The following DIP2B variants were observed in gnomAD, a reference collection of about 807,000 sequenced individuals.
DIP2B encodes DIP2 acetate--CoA ligase B (putative), also known as disco-interacting protein 2 homolog B.
A neutral mutation model predicts 198.0 loss-of-function variants in DIP2B; 76 were observed. The ratio of observed to expected loss-of-function variants is 0.38; its 90% confidence interval spans 0.32 to 0.46. The LOEUF (loss-of-function observed/expected upper bound fraction) is 0.46. Ranked by LOEUF, DIP2B falls within the 20% of genes least tolerant of loss-of-function variation. The pLI, the probability that DIP2B is intolerant of heterozygous loss-of-function variation, is 0.99. For missense variants in DIP2B, 1,559 were observed against 1,978.4 expected (o/e 0.79, Z 4.02); for synonymous variants, 701 against 739.1 (o/e 0.95, Z 0.84).
chr12:50,738,004 C>T (rs1308801726), intron 35 of DIP2B, among the ~76,000 whole-genome samples: 1 of 152,082 alleles, frequency 6.6e-6, no homozygotes, highest in African/African-American at 2.4e-5. Context: ...CAGTATTGGA[C>T]AGGTTAATTT....
At chr12:50,567,824 G>A (rs563846399) in intron 1 of DIP2B, among the ~76,000 whole-genome samples, 3 of 152,268 alleles carry the variant, frequency 2.0e-5, no homozygotes, top group African/African-American at 4.8e-5. Flanking sequence ...CATCGTGCCC[G>A]GCCTAAAATT....
chr12:50,572,090 C>T (rs1317344500), intron 1 of DIP2B, among the ~76,000 whole-genome samples: 4 of 152,078 alleles, frequency 2.6e-5, no homozygotes, highest in South Asian at 2.1e-4. Context: ...TGCTTTTTAA[C>T]GTAAAATATT....
At chr12:50,505,504 G>GC (rs574925675) in intron 1 of DIP2B, among the ~76,000 whole-genome samples, 25 of 152,236 alleles carry the variant, frequency 1.6e-4, no homozygotes, top group African/African-American at 5.8e-4. Flanking sequence ...TGCGCTTCCT[G>GC]CCCCCCAAAA....
intron 5 of DIP2B, 97 bp from the exon 6 acceptor site, chr12:50,674,377 T>C: frequency 7.5e-7 from 1 of 1,329,644 alleles, no homozygotes; most frequent in South Asian, 1.3e-5. Context: ...CCCCCATTTA[T>C]GTACTTTTCT....
chr12:50,741,550 C>T lies in DIP2B; in HGVS notation c.4478+11C>T, dbSNP rs1263774437. 3.7e-6 allele frequency: 6 copies of T among 1,610,218 alleles called. No individual in the cohort carries two copies. The highest frequency in any genetic ancestry group is 4.2e-6 in the Non-Finnish European group (5 of 1,178,026). On this transcript the variant is annotated intron_variant, in intron 37 of 37. Coordinates refer to ENST00000301180, the MANE Select transcript of DIP2B (RefSeq NM_173602.3). The stretch of plus-strand genomic sequence containing the variant: ...AAGCATTGCTGAATGGTAACTCCCT[C>T]AGCATACACTGTGCTTCCCACTTCA...
At chr12:50,663,296 C>T (rs1395435285) in intron 4 of DIP2B, among the ~76,000 whole-genome samples, 3 of 151,852 alleles carry the variant, frequency 2.0e-5, no homozygotes, top group South Asian at 2.1e-4. Context: ...GTGGTGGCAG[C>T]GCCTGAAGTC....
intron 1 of DIP2B, among the ~76,000 whole-genome samples, chr12:50,602,293 G>A (rs1958943906): frequency 6.6e-6 from 1 of 151,994 alleles, no homozygotes; most frequent in Non-Finnish European, 1.5e-5. Flanking sequence ...TTTTGAGACA[G>A]TGTCTGGTTC....
intron 32 of DIP2B, 45 bp from the exon 33 acceptor site, chr12:50,734,090 A>G: frequency 6.2e-7 from 1 of 1,600,676 alleles, no homozygotes; most frequent in Non-Finnish European, 8.6e-7. Context: ...TGTGAAATAC[A>G]GTTTATCGAA....
chr12:50,654,673 A>G (rs894445029), intron 3 of DIP2B, among the ~76,000 whole-genome samples: 2 of 152,244 alleles, frequency 1.3e-5, no homozygotes, highest in African/African-American at 2.4e-5. Flanking sequence ...GGAAAATTAA[A>G]TAAACAGAGA....
chr12:50,542,216 T>A (rs1186903796), intron 1 of DIP2B, among the ~76,000 whole-genome samples: 2 of 130,398 alleles, frequency 1.5e-5, no homozygotes, highest in African/African-American at 6.0e-5. Context: ...GCCACTGCAC[T>A]CCAGCCTGGG....
At chr12:50,727,584 A>T (rs1331978609) in intron 28 of DIP2B, 119 bp from the exon 29 acceptor site, 1 of 822,676 alleles carries the variant, frequency 1.2e-6, no homozygotes, top group Non-Finnish European at 2.0e-6. Context: ...TAAATATGAG[A>T]GGCCTAAGCT....
Position 50,505,064 on chromosome 12 carries a change from C to A in DIP2B, c.-77C>A. On this transcript the variant is annotated 5_prime_UTR_variant, in exon 1 of 38. Transcript: ENST00000301180. ...GGCGGCCGGAGCCGGATCCTGTAGC[C>A]GGGTGTGGGCCCGTGTCTGTCCGTC... is the stretch of plus-strand genomic sequence containing the variant. 7.2e-7 allele frequency: 1 copy of A among 1,381,908 alleles called. No individual in the cohort carries two copies. The highest frequency in any genetic ancestry group is 1.2e-5 in the South Asian group (1 of 80,662). The allele number at this position is 1,381,908 out of a possible 1,614,324, so 85.6% of individuals were successfully genotyped here. A position where few individuals can be genotyped will look rare whatever the true frequency, so the allele number is the denominator to read the frequency against.
intron 1 of DIP2B, among the ~76,000 whole-genome samples, chr12:50,571,935 G>A (rs1958618897): frequency 6.6e-6 from 1 of 152,160 alleles, no homozygotes; most frequent in African/African-American, 2.4e-5. Context: ...AGATGCATCT[G>A]TCTTTCCAGT....
chr12:50,543,455 A>C (rs1383977043), intron 1 of DIP2B, among the ~76,000 whole-genome samples: 1 of 151,628 alleles, frequency 6.6e-6, no homozygotes, highest in African/African-American at 2.4e-5. Context: ...ACGCCAGCTA[A>C]TTTTTGTATT....
rs1387597422 is a variant in DIP2B at position 50,745,353 on chromosome 12, A to C, written c.*514A>C. On this transcript the variant is annotated 3_prime_UTR_variant, in exon 38 of 38. Transcript: ENST00000301180. Reference sequence around the variant, plus strand: ...TGACTATGAGAATTACTTTATATAGATAATTCTTGACTGTAAAACATTTTG... The same window carrying C: ...TGACTATGAGAATTACTTTATATAGCTAATTCTTGACTGTAAAACATTTTG... The C allele has an allele frequency of 6.3e-6, 1 of 158,074 alleles. No individual in the cohort carries two copies. Among genetic ancestry groups the C allele is most frequent in the Non-Finnish European group, 1.4e-5 (1 of 70,914 alleles). The allele number at this position is 158,074 out of a possible 1,614,324, so 9.8% of individuals were successfully genotyped here. A position where few individuals can be genotyped will look rare whatever the true frequency, so the allele number is the denominator to read the frequency against.
intron 3 of DIP2B, among the ~76,000 whole-genome samples, chr12:50,646,068 A>C (rs893475632): frequency 6.6e-6 from 1 of 151,996 alleles, no homozygotes; most frequent in Non-Finnish European, 1.5e-5. Flanking sequence ...GTGTATTGTA[A>C]ATTTTAAAGA....
chr12:50,508,783 G>A (rs895887871), intron 1 of DIP2B, among the ~76,000 whole-genome samples: 2 of 150,758 alleles, frequency 1.3e-5, no homozygotes, highest in Non-Finnish European at 2.9e-5. Context: ...TCAGCTCACT[G>A]CAACCTCTGC....
At chr12:50,574,034 C>A (rs549043665) in intron 1 of DIP2B, among the ~76,000 whole-genome samples, 1 of 152,132 alleles carries the variant, frequency 6.6e-6, no homozygotes, top group Non-Finnish European at 1.5e-5. Flanking sequence ...TCAGAATTAA[C>A]TGTAGTCACA....
At chr12:50,590,945 T>G (rs1958813799) in intron 1 of DIP2B, among the ~76,000 whole-genome samples, 1 of 152,194 alleles carries the variant, frequency 6.6e-6, no homozygotes, top group African/African-American at 2.4e-5. Context: ...AGATGGACTT[T>G]TAAGAGGTGA....
Sources: gnomAD v4.1 joint callset for allele counts (sites outside exome capture counted in the v4.1 genomes callset) on GRCh38, gnomAD v4.1.1 for gene constraint, MANE v1.5 for transcripts, NCBI Gene and HGNC (gene_info 2026-07-23, HGNC 2026-07-21) for gene names.